AKNAD1: variants seen among roughly 807,000 people sequenced by gnomAD.
The protein encoded by AKNAD1 is AKNA domain containing 1.
AKNAD1 carries 67 observed loss-of-function variants against 90.8 expected under a neutral mutation model. The ratio of observed to expected loss-of-function variants is 0.74; its 90% CI spans 0.61 to 0.90. AKNAD1 has a LOEUF of 0.90. AKNAD1 is among the 40% of genes least tolerant of loss of function. AKNAD1 has a pLI of 0.00. For synonymous variants in AKNAD1, 327 were observed against 341.4 expected (o/e 0.96, Z 0.46); for missense variants, 957 against 975.4 (o/e 0.98, Z 0.25).
chr1:108,828,201 A>C (rs1664073838), intron 10 of AKNAD1, among the ~76,000 whole-genome samples: 1 of 151,768 alleles, frequency 6.6e-6, no homozygotes, highest in African/African-American at 2.4e-5. Context: ...AGCTGATTAC[A>C]TCCAACAACT....
At chr1:108,851,527 G>T in intron 2 of AKNAD1, 145 bp downstream of exon 2, 3 of 661,550 alleles carry the variant, frequency 4.5e-6, no homozygotes, top group Non-Finnish European at 7.5e-6. Flanking sequence ...AGTCGGAGTG[G>T]CCACGTCACT....
chr1:108,845,921 G>A (rs1445398849), intron 5 of AKNAD1, among the ~76,000 whole-genome samples: 1 of 152,110 alleles, frequency 6.6e-6, no homozygotes, highest in Non-Finnish European at 1.5e-5. Flanking sequence ...TGTGTTCAAG[G>A]GAAAGAGGGT....
intron 6 of AKNAD1, among the ~76,000 whole-genome samples, chr1:108,837,967 G>T (rs767613382): frequency 4.3e-4 from 65 of 151,946 alleles, no homozygotes; most frequent in Admixed American, 5.9e-4. Context: ...TTATAACCTG[G>T]GATAACAATA....
At chr1:108,817,497 A>ATTTTTTTTTTT (rs10681740) in intron 14 of AKNAD1, 3 of 60,336 alleles carry the variant, frequency 5.0e-5, no homozygotes, top group Admixed American at 2.8e-4. Context: ...TTTTTTTTTA[A>ATTTTTTTTTTT]TTTTTTTTTT....
chr1:108,821,209 G>C (rs1663802471), intron 13 of AKNAD1, among the ~76,000 whole-genome samples: 3 of 152,200 alleles, frequency 2.0e-5, no homozygotes, highest in Admixed American at 2.0e-4. Flanking sequence ...CCAGCACTTT[G>C]GGAGGCCGAG....
Position 108,857,088 on chromosome 1 carries a change from G to T in AKNAD1, c.-263C>A, listed in dbSNP as rs7551142. ...GTAGAATCCAAATTGATTTTCTGAA[G>T]TCAGGTGACTACATTTGGGGCCACG... On this transcript the variant is annotated 5_prime_UTR_variant, in exon 1 of 16. Coordinates refer to ENST00000370001, the MANE Select transcript of AKNAD1 (RefSeq NM_152763.5). 13,742 of 152,240 alleles carry T rather than the reference G, an allele frequency of 0.09. 703 individuals are homozygous for T. The highest frequency in any genetic ancestry group is 0.1 in the Non-Finnish European group (6,960 of 68,028). The allele number at this position is 152,240 out of a possible 1,614,324, so 9.4% of individuals were successfully genotyped here.
chr1:108,816,790 A>G (rs1432304486), intron 15 of AKNAD1: 1 of 422,890 alleles, frequency 2.4e-6, no homozygotes, highest in Non-Finnish European at 4.3e-6. Flanking sequence ...ACCCCCGGCC[A>G]GGGAAATCCT....
rs1557831409 is a variant in AKNAD1 at position 108,834,535 on chromosome 1, T to TG, written c.1665-8_1665-7insC. 7.6e-7 allele frequency: 1 copy of TG among 1,312,984 alleles called. No individual in the cohort carries two copies. The highest frequency in any genetic ancestry group is 1.0e-6 in the Non-Finnish European group (1 of 957,962). The allele number at this position is 1,312,984 out of a possible 1,614,324, so 81.3% of individuals were successfully genotyped here. On this transcript the variant is annotated splice_region_variant and splice_polypyrimidine_tract_variant and intron_variant, in intron 8 of 15. Transcript: ENST00000370001. ...ATAATGACCGTTTAGGTAACTAATT[T>TG]AAAAAAAAAAAAAGCAGTTTGAATG...
In AKNAD1 at chr1:108,852,356, G is replaced by A. The variant is rs17563390; in HGVS notation, c.309C>T (p.Asp103=). The A allele has an allele frequency of 0.14, 220,703 of 1,613,746 alleles. 15,623 individuals carry two copies. The highest frequency in any genetic ancestry group is 0.15 in the African/African-American group (11,363 of 74,936). ...AALHIPANEG[D]ASKSSISDIL... The stretch of plus-strand genomic sequence containing the variant: ...TATCAGAAATGCTTGACTTAGAAGC[G>A]TCTCCTTCATTTGCTGGAATATGAA... The change falls in exon 2 of 16, where the codon GAC becomes GAT. Residue 103 remains aspartate (D), a synonymous_variant. Coordinates refer to ENST00000370001, the MANE Select transcript of AKNAD1 (RefSeq NM_152763.5).
chr1:108,838,340 C>T (rs1664444174), intron 6 of AKNAD1, among the ~76,000 whole-genome samples: 1 of 149,930 alleles, frequency 6.7e-6, no homozygotes, highest in African/African-American at 2.5e-5. Flanking sequence ...AAAAAAAACC[C>T]TGTTTAATTA....
Position 108,852,378 on chromosome 1 carries a change from T to C in AKNAD1, c.287A>G (p.His96Arg). The C allele has an allele frequency of 1.9e-6, 3 of 1,614,086 alleles. No individual in the cohort carries two copies. The highest frequency in any genetic ancestry group is 2.5e-6 in the Non-Finnish European group (3 of 1,180,016). ...EKEKQCTAALHIPANEGDASK... is the reference protein window; with the variant it reads ...EKEKQCTAALRIPANEGDASK... ...AGCGTCTCCTTCATTTGCTGGAATATGAAGAGCTGCAGTGCATTGTTTCTC... is the reference window on the plus strand; with the variant it reads ...AGCGTCTCCTTCATTTGCTGGAATACGAAGAGCTGCAGTGCATTGTTTCTC... The change falls in exon 2 of 16, where the codon CAT becomes CGT. Residue 96 changes from histidine to arginine, a missense_variant. His to Arg is a conservative substitution (Grantham distance 29). Coordinates refer to ENST00000370001, the MANE Select transcript of AKNAD1 (RefSeq NM_152763.5).
At position 108,851,982 on chromosome 1, in the gene AKNAD1, T is replaced by C. The variant is rs765568609; in HGVS notation, c.683A>G (p.Tyr228Cys). The C allele has an allele frequency of 3.7e-6, 6 of 1,614,106 alleles. No homozygotes were observed. The highest frequency in any genetic ancestry group is 1.1e-5 in the South Asian group (1 of 91,090). ...CTGTTTCTGGGGTGACTGCCCTTGA[T>C]AACTTTTTTGTTTATCACCTGGACC... The part of the protein sequence containing the change: ...TKGPGDKQKS[Y>C]QGQSPQKQQT... Residue 228 changes from tyrosine to cysteine, a missense_variant, in exon 2 of 16, where the codon TAT (tyrosine) becomes TGT (cysteine). Coordinates refer to ENST00000370001, the MANE Select transcript of AKNAD1 (RefSeq NM_152763.5).
chr1:108,835,930 G>C (rs572474277), intron 7 of AKNAD1, among the ~76,000 whole-genome samples: 1 of 152,264 alleles, frequency 6.6e-6, no homozygotes, highest in African/African-American at 2.4e-5. Context: ...GGCTTAATTT[G>C]TTAAGTATAT....
At chr1:108,833,694 A>AAT (rs1553202342) in intron 9 of AKNAD1, among the ~76,000 whole-genome samples, 3 of 151,200 alleles carry the variant, frequency 2.0e-5, no homozygotes, top group African/African-American at 4.9e-5. Context: ...ATTTAAAAAA[A>AAT]AAGGGTTTTT....
rs1450654728 is a variant in AKNAD1 at position 108,851,703 on chromosome 1, C to T, written c.962G>A (p.Gly321Glu). The change falls in exon 2 of 16, where the codon GGG becomes GAG. Residue 321 changes from glycine (G) to glutamate (E), a missense_variant. Gly to Glu is a moderately conservative substitution (Grantham distance 98). Transcript: ENST00000370001. ...TTGTTGTGAAGGTTCAGTGATTTTC[C>T]CTTTCTGCTCTTGATGTTGTTTTTC... ...CVEKQHQEQKGKITEPSQQIQ... is the reference protein window; with the variant it reads ...CVEKQHQEQKEKITEPSQQIQ... 3 of 1,597,782 alleles carry T rather than the reference C, an allele frequency of 1.9e-6. No homozygotes were observed. The highest frequency in any genetic ancestry group is 2.7e-5 in the African/African-American group (2 of 73,652).
chr1:108,841,598 G>A (rs1664555405), intron 6 of AKNAD1, among the ~76,000 whole-genome samples: 2 of 152,192 alleles, frequency 1.3e-5, no homozygotes, highest in African/African-American at 2.4e-5. Context: ...GAGCACAGCA[G>A]GTGATGTAAA....
At chr1:108,852,963 G>A (rs11102553) in intron 1 of AKNAD1, among the ~76,000 whole-genome samples, 196 bp from the exon 2 acceptor site, 8,999 of 144,330 alleles carry the variant, frequency 0.062, 269 homozygotes, top group South Asian at 0.12. Flanking sequence ...AGGAATGGGG[G>A]AAAAAAAAAA....
chr1:108,839,711 C>T (rs1664483076), intron 6 of AKNAD1, among the ~76,000 whole-genome samples: 1 of 152,132 alleles, frequency 6.6e-6, no homozygotes, highest in Non-Finnish European at 1.5e-5. Flanking sequence ...GGAGAGTTCT[C>T]ATTATTATTA....
In AKNAD1 at chr1:108,834,959, T is replaced by A; in HGVS notation, c.1634A>T (p.Asn545Ile). ...TPQGGPQEAP[N>I]EELCELAPQT... ...CGGGGCCAGCTCACAGAGCTCCTCG[T>A]TGGGGGCCTCCTGCGGCCCTCCTTG... Residue 545 changes from asparagine (N) to isoleucine (I), a missense_variant, in exon 8 of 16, where the codon AAC becomes ATC. Physicochemically the swap from Asn to Ile is moderately radical, Grantham distance 149. Coordinates refer to ENST00000370001, the MANE Select transcript of AKNAD1 (RefSeq NM_152763.5). 6.5e-7 allele frequency: 1 copy of A among 1,550,102 alleles called. No individual in the cohort carries two copies. Among genetic ancestry groups the A allele is most frequent in the Non-Finnish European group, 8.6e-7 (1 of 1,157,516 alleles).
Sources: gnomAD v4.1 joint callset for allele counts (sites outside exome capture counted in the v4.1 genomes callset) on GRCh38, gnomAD v4.1.1 for gene constraint, MANE v1.5 for transcripts, NCBI Gene and HGNC (gene_info 2026-07-23, HGNC 2026-07-21) for gene names.